The following DNAH9 variants were observed in gnomAD, a reference collection of about 807,000 sequenced individuals.
DNAH9 encodes the protein dynein axonemal heavy chain 9, also known as DNAH9 variant protein.
A neutral mutation model predicts 471.6 loss-of-function variants in DNAH9; 345 were observed. The observed-to-expected ratio is 0.73, with a 90% confidence interval of 0.67 to 0.80. DNAH9 has a LOEUF of 0.80. Ranked by LOEUF, DNAH9 falls within the 30% of genes least tolerant of loss-of-function variation. DNAH9 has a pLI of 0.00. For missense variants in DNAH9, 5,407 were observed against 5,609.2 expected (o/e 0.96, Z 1.15); for synonymous variants, 2,093 against 2,123.6 (o/e 0.99, Z 0.40).
intron 3 of DNAH9, among the ~76,000 whole-genome samples, chr17:11,611,179 C>G (rs1203679392): frequency 6.6e-6 from 1 of 152,176 alleles, no homozygotes; most frequent in African/African-American, 2.4e-5. Flanking sequence ...ACGTGCCTGT[C>G]CTGGCATGGA....
intron 14 of DNAH9, among the ~76,000 whole-genome samples, chr17:11,659,290 TATTATC>T (rs1269889974): frequency 6.6e-5 from 10 of 152,356 alleles, no homozygotes; most frequent in Middle Eastern, 6.8e-3. Flanking sequence ...AATTATTTCT[TATTATC>T]ATTATGTGTT....
chr17:11,810,110 C>A, intron 44 of DNAH9, 136 bp from the exon 45 acceptor site: 1 of 1,095,130 alleles, frequency 9.1e-7, no homozygotes, highest in Admixed American at 2.8e-5. Flanking sequence ...AGCCCTCCCC[C>A]AGCTTCCCAT....
chr17:11,722,065 C>T (rs895420073), intron 27 of DNAH9, among the ~76,000 whole-genome samples: 1 of 152,186 alleles, frequency 6.6e-6, no homozygotes, highest in Non-Finnish European at 1.5e-5. Context: ...ATGAGCCCTC[C>T]TCACAGGACC....
rs147212591 is a variant in DNAH9 at position 11,704,206 on chromosome 17, G to A, written c.5155G>A (p.Ala1719Thr). The A allele has an allele frequency of 1.2e-6, 2 of 1,613,970 alleles. No individual in the cohort carries two copies. Among genetic ancestry groups the A allele is most frequent in the African/African-American group, 2.7e-5 (2 of 74,898 alleles). The change falls in exon 25 of 69, where the codon GCC (alanine) becomes ACC (threonine). Residue 1719 changes from alanine to threonine, a missense_variant. By Grantham distance (58) the Ala-to-Thr change is moderately conservative. Transcript: ENST00000262442. Reference protein sequence around the residue: ...QWLFDHPAQVALTCTQIWWTT... With the variant: ...QWLFDHPAQVTLTCTQIWWTT... The stretch of plus-strand genomic sequence containing the variant: ...TAGGCAACTCTTGCTGCCACAGGTG[G>A]CCCTGACCTGTACTCAGATCTGGTG...
intron 54 of DNAH9, 119 bp downstream of exon 54, chr17:11,880,319 C>A: frequency 7.9e-7 from 1 of 1,262,000 alleles, no homozygotes; most frequent in Non-Finnish European, 1.1e-6. Context: ...CAAGTAGCTC[C>A]CTGCAGCACA....
chr17:11,730,270 C>T (rs2075235910), intron 28 of DNAH9, among the ~76,000 whole-genome samples: 1 of 152,098 alleles, frequency 6.6e-6, no homozygotes, highest in Admixed American at 6.5e-5. Context: ...ATGAGTGTAG[C>T]TTGAAATGGG....
rs1294298953 is a variant in DNAH9, at chr17:11,669,550, C to T, written c.3109C>T (p.Pro1037Ser). ...TCTGCTGTACGGGCACATCCTCACT[C>T]CGGAAGAAATTGAAGACCATGTGGA... ...QFLLYGHILT[P>S]EEIEDHVEDG... Residue 1037 changes from proline to serine, a missense_variant, in exon 17 of 69, where the codon CCG (proline) becomes TCG (serine). Physicochemically the swap from Pro to Ser is moderately conservative, Grantham distance 74. This residue lies in a region of DNAH9 where 4,636 missense variants were observed against 4,900.3 expected (regional missense o/e 0.95). Coordinates refer to ENST00000262442, the MANE Select transcript of DNAH9 (RefSeq NM_001372.4). The T allele has an allele frequency of 3.1e-6, 5 of 1,614,028 alleles. No homozygotes were observed. The highest frequency in any genetic ancestry group is 1.3e-5 in the African/African-American group (1 of 74,912).
intron 48 of DNAH9, among the ~76,000 whole-genome samples, chr17:11,830,742 G>A (rs764275327): frequency 2.2e-4 from 33 of 152,120 alleles, no homozygotes; most frequent in East Asian, 3.8e-4. Flanking sequence ...AAATGAATTC[G>A]TTTGTATAAC....
At chr17:11,726,941 G>GGGA (rs2075162606) in intron 27 of DNAH9, among the ~76,000 whole-genome samples, 1 of 150,722 alleles carries the variant, frequency 6.6e-6, no homozygotes, top group Admixed American at 6.7e-5. Flanking sequence ...GCAGCTACTC[G>GGGA]GGAGGCTGAG....
At chr17:11,628,981 G>A (rs1396915829) in intron 6 of DNAH9, among the ~76,000 whole-genome samples, 1 of 151,892 alleles carries the variant, frequency 6.6e-6, no homozygotes, top group Non-Finnish European at 1.5e-5. Flanking sequence ...TAATAATAAG[G>A]TTATGAAACT....
At chr17:11,890,679 T>C (rs1973019402) in intron 57 of DNAH9, among the ~76,000 whole-genome samples, 1 of 152,034 alleles carries the variant, frequency 6.6e-6, no homozygotes, top group Non-Finnish European at 1.5e-5. Context: ...TTTGTTGTTT[T>C]TGTTGTTGTT....
At chr17:11,812,467 A>T (rs1166241460) in intron 45 of DNAH9, among the ~76,000 whole-genome samples, 1 of 152,110 alleles carries the variant, frequency 6.6e-6, no homozygotes, top group Non-Finnish European at 1.5e-5. Flanking sequence ...GACAACCTCC[A>T]GGAAGTTCCT....
At chr17:11,945,502 C>A (rs1232176448) in intron 67 of DNAH9, among the ~76,000 whole-genome samples, 1 of 149,674 alleles carries the variant, frequency 6.7e-6, no homozygotes, top group South Asian at 2.1e-4. Flanking sequence ...TGTGACACTG[C>A]ACTCCAGCCT....
intron 35 of DNAH9, among the ~76,000 whole-genome samples, chr17:11,761,123 A>G (rs1468487877): frequency 2.0e-5 from 3 of 152,228 alleles, no homozygotes; most frequent in Non-Finnish European, 2.9e-5. Context: ...CTGACCCTGC[A>G]TGAGATCTAG....
chr17:11,846,082 CTA>C (rs1282113897), intron 49 of DNAH9, among the ~76,000 whole-genome samples: 1 of 150,968 alleles, frequency 6.6e-6, no homozygotes, highest in Non-Finnish European at 1.5e-5. Flanking sequence ...TTGCCCATGC[CTA>C]TGTCCTGAAT....
Position 11,607,317 on chromosome 17 carries a change from C to T in DNAH9, c.418-812C>T, listed in dbSNP as rs115274643. Among the ~76,000 whole-genome samples, 429 of 152,314 alleles carry T rather than the reference C, an allele frequency of 2.8e-3. 3 individuals carry two copies. Among genetic ancestry groups the T allele is most frequent in the African/African-American group, 9.9e-3 (410 of 41,570 alleles). ...AGCAGTTTTTCAGTCAACATACTCA[C>T]AGCCCAGAAGAGGACACTGAGCCAT... On this transcript the variant is annotated intron_variant, in intron 1 of 68. Transcript: ENST00000262442.
intron 35 of DNAH9, among the ~76,000 whole-genome samples, chr17:11,759,747 C>T (rs147105124): frequency 0.013 from 1,994 of 148,666 alleles, 47 homozygotes; most frequent in African/African-American, 0.047. Context: ...AGTGCAATGG[C>T]GTGATCTCAG....
Position 11,969,607 on chromosome 17 carries a change from C to T in DNAH9, c.*80C>T, listed in dbSNP as rs1977047508. 5 of 1,145,696 alleles carry T rather than the reference C, an allele frequency of 4.4e-6. No individual in the cohort carries two copies. Among genetic ancestry groups the T allele is most frequent in the Non-Finnish European group, 6.1e-6 (5 of 823,730 alleles). 71.0% of individuals were successfully genotyped at this position (1,145,696 alleles called of 1,614,324 possible). On this transcript the variant is annotated 3_prime_UTR_variant, in exon 69 of 69. Transcript: ENST00000262442. ...GGGACAGGTGGGTGAAGGGTCACCA[C>T]AGACACTTAGAACGGTAAGAAACCA... is the stretch of plus-strand genomic sequence containing the variant.
intron 6 of DNAH9, among the ~76,000 whole-genome samples, chr17:11,622,758 A>T (rs1035652821): frequency 1.3e-5 from 2 of 152,150 alleles, no homozygotes; most frequent in Non-Finnish European, 2.9e-5. Context: ...TACTCTCACA[A>T]TAAGTCCTTT....
Sources: allele counts gnomAD v4.1 joint callset (sites outside exome capture counted in the v4.1 genomes callset), GRCh38; gene constraint gnomAD v4.1.1; regional missense constraint gnomAD v4.1.1; transcripts MANE v1.5; gene names NCBI Gene and HGNC (gene_info 2026-07-23, HGNC 2026-07-21).